SDK1: variants seen among roughly 807,000 people sequenced by gnomAD.
The protein encoded by SDK1 is sidekick cell adhesion molecule 1.
Under a neutral mutation model 245.5 loss-of-function variants are expected in SDK1, and 157 were observed. The observed-to-expected ratio is 0.64, with a 90% CI of 0.56 to 0.73. SDK1 has a LOEUF of 0.73. Ranked by LOEUF, SDK1 falls within the 30% of genes least tolerant of loss-of-function variation. SDK1 has a pLI of 0.00. For missense variants in SDK1, 3,583 were observed against 3,002.3 expected (o/e 1.19, Z -4.52); for synonymous variants, 1,647 against 1,278.5 (o/e 1.29, Z -6.15).
intron 1 of SDK1, among the ~76,000 whole-genome samples, chr7:3,552,148 C>G (rs1185595327): frequency 1.3e-5 from 2 of 152,054 alleles, no homozygotes; most frequent in Admixed American, 1.3e-4. Context: ...ATGCCATTCT[C>G]TGCCTCAGCC....
chr7:3,967,479 A>G lies in SDK1; in HGVS notation c.1546+45A>G, dbSNP rs758499991. On this transcript the variant is annotated intron_variant, in intron 10 of 44. Coordinates refer to ENST00000404826, the MANE Select transcript of SDK1 (RefSeq NM_152744.4). ...CACAACAGCATGGCCCATGTAGAAC[A>G]TAACCTATCGGGCCAGTGCTTGCTT... The G allele has an allele frequency of 1.8e-5, 22 of 1,200,972 alleles. No homozygotes were observed. The South Asian group carries it at 2.6e-4, about 14-fold the overall frequency. 74.4% of individuals were successfully genotyped at this position (1,200,972 alleles called of 1,614,324 possible).
At chr7:4,080,820 C>T (rs1044440270) in intron 22 of SDK1, among the ~76,000 whole-genome samples, 1 of 151,936 alleles carries the variant, frequency 6.6e-6, no homozygotes, top group Non-Finnish European at 1.5e-5. Context: ...AACAAACCTG[C>T]ACATTGTGCA....
At chr7:3,600,142 T>G (rs1017019599) in intron 1 of SDK1, among the ~76,000 whole-genome samples, 2 of 152,218 alleles carry the variant, frequency 1.3e-5, no homozygotes, top group African/African-American at 2.4e-5. Context: ...GGTCATAATT[T>G]CTAAAGTTTA....
At chr7:4,005,513 T>G (rs1317021560) in intron 14 of SDK1, among the ~76,000 whole-genome samples, 1 of 151,382 alleles carries the variant, frequency 6.6e-6, no homozygotes, top group African/African-American at 2.4e-5. Flanking sequence ...GCCCCGCTTC[T>G]GGTGATGTTG....
At chr7:4,154,172 C>T (rs1780575447) in intron 30 of SDK1, among the ~76,000 whole-genome samples, 2 of 152,184 alleles carry the variant, frequency 1.3e-5, no homozygotes, top group African/African-American at 4.8e-5. Context: ...AAGCTATGTC[C>T]TTCCCCGACG....
intron 1 of SDK1, among the ~76,000 whole-genome samples, chr7:3,331,317 C>G (rs1780063767): frequency 1.3e-5 from 2 of 152,112 alleles, no homozygotes; most frequent in South Asian, 4.1e-4. Flanking sequence ...GTTACAGCAA[C>G]AGAATATAGA....
At chr7:3,546,498 T>G (rs1437719683) in intron 1 of SDK1, among the ~76,000 whole-genome samples, 1 of 152,198 alleles carries the variant, frequency 6.6e-6, no homozygotes, top group Non-Finnish European at 1.5e-5. Context: ...TGGACACTTG[T>G]TTTACATTCA....
chr7:3,886,600 T>A (rs182743618), intron 5 of SDK1, among the ~76,000 whole-genome samples: 387 of 152,342 alleles, frequency 2.5e-3, no homozygotes, highest in African/African-American at 8.9e-3. Flanking sequence ...TTGGGTATAT[T>A]TTCCACTTGA....
chr7:3,531,378 T>C (rs193102277), intron 1 of SDK1, among the ~76,000 whole-genome samples: 1 of 152,230 alleles, frequency 6.6e-6, no homozygotes, highest in Non-Finnish European at 1.5e-5. Flanking sequence ...ACAGACATTA[T>C]CTTCATTTGA....
intron 4 of SDK1, among the ~76,000 whole-genome samples, chr7:3,738,592 G>C (rs990932889): frequency 1.3e-5 from 2 of 152,096 alleles, no homozygotes; most frequent in African/African-American, 2.4e-5. Flanking sequence ...AGGAATTTTA[G>C]CAGGATTGTA....
rs191999160 is a variant in SDK1, at chr7:4,132,488, G to C, written c.4228+65G>C. ...TGTCATCCCAGCACCTTGGGAGACCGAGGCAGGTGGTTTGCTTGAGCCCAG... is the reference window on the plus strand; with the variant it reads ...TGTCATCCCAGCACCTTGGGAGACCCAGGCAGGTGGTTTGCTTGAGCCCAG... On this transcript the variant is annotated intron_variant, in intron 28 of 44. Transcript: ENST00000404826. The C allele has an allele frequency of 2.6e-6, 3 of 1,151,770 alleles. No individual in the cohort carries two copies. The East Asian group carries it at 7.7e-5, about 29-fold the overall frequency. 71.3% of individuals were successfully genotyped at this position (1,151,770 alleles called of 1,614,324 possible). A position where few individuals can be genotyped will look rare whatever the true frequency, so the allele number is the denominator to read the frequency against.
At chr7:4,239,503 G>A (rs1786388386) in intron 42 of SDK1, among the ~76,000 whole-genome samples, 1 of 152,206 alleles carries the variant, frequency 6.6e-6, no homozygotes, top group African/African-American at 2.4e-5. Flanking sequence ...TGGATAACCA[G>A]AATGTAACTG....
In SDK1 at chr7:3,695,659, G is replaced by C. The variant is rs191843323; in HGVS notation, c.713+53554G>C. ...TAAAACATGGAGAATTACATTGTTAGTGCATTAAGCATTTCAACTCAACAC... is the reference window on the plus strand; with the variant it reads ...TAAAACATGGAGAATTACATTGTTACTGCATTAAGCATTTCAACTCAACAC... On this transcript the variant is annotated intron_variant, in intron 4 of 44. Coordinates refer to ENST00000404826, the MANE Select transcript of SDK1 (RefSeq NM_152744.4). 1.2e-3 allele frequency among the ~76,000 whole-genome samples: 189 copies of C among 152,302 alleles called. 1 individual carries two copies. The highest frequency in any genetic ancestry group is 4.3e-3 in the African/African-American group (180 of 41,558).
In SDK1 at chr7:4,237,790, G is replaced by A. The variant is rs761821477; in HGVS notation, c.6130+6G>A. On this transcript the variant is annotated splice_donor_region_variant and intron_variant, in intron 42 of 44. Coordinates refer to ENST00000404826, the MANE Select transcript of SDK1 (RefSeq NM_152744.4). ...GTATAAGAACTGCAGCACAGGTGCA[G>A]GTCCAGCCCCTTCCTCGCGTGTCCC... 2 of 1,614,084 alleles carry A rather than the reference G, an allele frequency of 1.2e-6. No homozygotes were observed. Among genetic ancestry groups the A allele is most frequent in the South Asian group, 1.1e-5 (1 of 91,072 alleles).
rs142841576 is a variant in SDK1, at chr7:3,919,574, G to A, written c.848-31349G>A. Among the ~76,000 whole-genome samples the A allele has an allele frequency of 6.4e-4, 97 of 152,300 alleles. 1 individual carries two copies. Among genetic ancestry groups the A allele is most frequent in the African/African-American group, 1.9e-3 (79 of 41,552 alleles). On this transcript the variant is annotated intron_variant, in intron 5 of 44. Transcript: ENST00000404826. ...AAAGATAGACAATATCCATAATGTC[G>A]AGGCATTGACCAAAATCTTACCACG...
At chr7:3,509,980 G>A (rs185055942) in intron 1 of SDK1, among the ~76,000 whole-genome samples, 1 of 152,274 alleles carries the variant, frequency 6.6e-6, no homozygotes, top group African/African-American at 2.4e-5. Flanking sequence ...TAACATCGGT[G>A]GGTGGGGGCC....
In SDK1 at chr7:3,715,200, G is replaced by A. The variant is rs541235172; in HGVS notation, c.713+73095G>A. On this transcript the variant is annotated intron_variant, in intron 4 of 44. Coordinates refer to ENST00000404826, the MANE Select transcript of SDK1 (RefSeq NM_152744.4). ...ACCCTGTTCACAAATATACTAGATCGTCATAAATTGTACAAATGTAATTGT... is the reference window on the plus strand; with the variant it reads ...ACCCTGTTCACAAATATACTAGATCATCATAAATTGTACAAATGTAATTGT... Among the ~76,000 whole-genome samples, 273 of 151,838 alleles carry A rather than the reference G, an allele frequency of 1.8e-3. 1 individual carries two copies. The highest frequency in any genetic ancestry group is 6.2e-3 in the African/African-American group (257 of 41,384).
At chr7:3,558,304 C>G (rs1779650099) in intron 1 of SDK1, among the ~76,000 whole-genome samples, 1 of 152,204 alleles carries the variant, frequency 6.6e-6, no homozygotes, top group African/African-American at 2.4e-5. Context: ...AGTTTGGAAC[C>G]TAGGACACAT....
rs1210336239 is a variant in SDK1, at chr7:3,358,427, ACG to A, written c.298+56544_298+56545del. On this transcript the variant is annotated intron_variant, in intron 1 of 44. Transcript: ENST00000404826. ...TTGGAGCAATTAGCTAATCATTACA[ACG>A]TTTTTTTTTTTTTTCTTGTTTTGTT... Among the ~76,000 whole-genome samples, 271 of 106,060 alleles carry A rather than the reference ACG, an allele frequency of 2.6e-3. 2 individuals are homozygous for A. Among genetic ancestry groups the A allele is most frequent in the African/African-American group, 0.014 (257 of 18,730 alleles). The allele number at this position is 106,060 out of a possible 152,430, so 69.6% of individuals were successfully genotyped here.
Sources: allele counts gnomAD v4.1 joint callset (sites outside exome capture counted in the v4.1 genomes callset), GRCh38; gene constraint gnomAD v4.1.1; transcripts MANE v1.5; gene names NCBI Gene and HGNC (gene_info 2026-07-23, HGNC 2026-07-21).